The following RRN3 variants were observed in gnomAD, a reference collection of about 807,000 sequenced individuals.
RRN3 encodes RNA polymerase I-specific transcription initiation factor RRN3.
RRN3 carries 38 observed loss-of-function variants against 82.3 expected under a neutral mutation model. That is an observed-to-expected ratio of 0.46 (90% CI 0.36 to 0.61). The LOEUF (loss-of-function observed/expected upper bound fraction) is 0.61, where lower values mean the gene tolerates loss of function less well. RRN3 is among the 20% of genes least tolerant of loss of function. The probability of loss-of-function intolerance (pLI) is 0.00; values close to 1 mark genes in which losing one functional copy is unlikely to be tolerated. For synonymous variants in RRN3, 284 were observed against 284.3 expected (o/e 1.00, Z 0.01); for missense variants, 726 against 793.1 (o/e 0.92, Z 1.02).
At position 15,080,061 on chromosome 16, in the gene RRN3, T is replaced by A; in HGVS notation, c.702A>T (p.Val234=). 6.2e-7 allele frequency: 1 copy of A among 1,603,472 alleles called. No individual in the cohort carries two copies. Reference sequence around the variant, plus strand: ...TTTCATGCCTCAAGGTTGGAAAATATACACTAATCCTTAGTAAGTTATGAA... The same window carrying A: ...TTTCATGCCTCAAGGTTGGAAAATAAACACTAATCCTTAGTAAGTTATGAA... ...CYVHNLLRIS[V]YFPTLRHEIL... is the part of the protein sequence containing the mutation. The change falls in exon 9 of 18, where the codon GTA becomes GTT. Residue 234 remains valine (V), a synonymous_variant. Transcript: ENST00000198767.
At chr16:15,077,967 C>A (rs1156989643) in intron 9 of RRN3, among the ~76,000 whole-genome samples, 1 of 152,192 alleles carries the variant, frequency 6.6e-6, no homozygotes, top group African/African-American at 2.4e-5. Flanking sequence ...ATAAACATAT[C>A]GTCAATCAAC....
chr16:15,089,297 C>T (rs1449579953), intron 3 of RRN3, among the ~76,000 whole-genome samples: 3 of 151,884 alleles, frequency 2.0e-5, no homozygotes, highest in Non-Finnish European at 4.4e-5. Flanking sequence ...TTCTGCCCGT[C>T]CCCAAAAACG....
intron 3 of RRN3, among the ~76,000 whole-genome samples, chr16:15,087,503 C>A (rs561350424): frequency 1.8e-3 from 267 of 152,280 alleles, no homozygotes; most frequent in Non-Finnish European, 3.4e-3. Flanking sequence ...GAAGCTGTCC[C>A]CTTTTCCCCA....
At chr16:15,079,941 G>A (rs544021796) in intron 9 of RRN3, 57 bp downstream of exon 9, 6 of 1,492,140 alleles carry the variant, frequency 4.0e-6, no homozygotes, top group African/African-American at 2.8e-5. Flanking sequence ...CACATACTGT[G>A]ATTATAACAA....
At position 15,083,550 on chromosome 16, in the gene RRN3, T is replaced by C. The variant is rs1281263139; in HGVS notation, c.629A>G (p.Glu210Gly). 4.3e-6 allele frequency: 7 copies of C among 1,609,440 alleles called. No individual in the cohort carries two copies. In the Admixed American group the frequency reaches 6.7e-5, roughly 15 times the overall value. Residue 210 changes from glutamate (E) to glycine (G), a missense_variant, in exon 8 of 18, where the codon GAA becomes GGA. Glu to Gly is a moderately conservative substitution (Grantham distance 98, BLOSUM62 -2). This residue lies in a region of RRN3 where 344 missense variants were observed against 394.5 expected (regional missense o/e 0.87). Transcript: ENST00000198767. ...TGATTTTCGAACAAATGGAAATTTT[T>C]CCACCAGTATTGGCATGAGAAACCA... is the stretch of plus-strand genomic sequence containing the variant. ...TPWFLMPILVEKFPFVRKSER... is the reference protein window; with the variant it reads ...TPWFLMPILVGKFPFVRKSER...
intron 16 of RRN3, among the ~76,000 whole-genome samples, chr16:15,063,704 CAAAAAAA>C (rs10664930): frequency 3.4e-5 from 3 of 89,130 alleles, no homozygotes; most frequent in African/African-American, 1.5e-4. Context: ...GACTCTGTCT[CAAAAAAA>C]AAAAAAAAAA....
At chr16:15,074,572 G>A in intron 11 of RRN3, 151 bp downstream of exon 11, 1 of 475,622 alleles carries the variant, frequency 2.1e-6, no homozygotes. Context: ...TGACTGGCAA[G>A]TAACTTGACC....
chr16:15,091,345 C>G lies in RRN3; in HGVS notation c.222G>C (p.Leu74Phe). 6.3e-7 allele frequency: 1 copy of G among 1,589,362 alleles called. No individual in the cohort carries two copies. Among genetic ancestry groups the G allele is most frequent in the Non-Finnish European group, 8.6e-7 (1 of 1,163,880 alleles). Residue 74 changes from leucine to phenylalanine, a missense_variant, in exon 3 of 18, where the codon TTG becomes TTC. Physicochemically the swap from Leu to Phe is conservative, Grantham distance 22 (BLOSUM62 0). Coordinates refer to ENST00000198767, the MANE Select transcript of RRN3 (RefSeq NM_018427.5). ...TGTCTGGATCTAACAGCTGGTTCTT[C>G]AACAACTCAAAGTCATTTGTTTCAC... is the stretch of plus-strand genomic sequence containing the variant. Reference protein sequence around the residue: ...KKGETNDFELLKNQLLDPDIK... With the variant: ...KKGETNDFELFKNQLLDPDIK...
chr16:15,085,999 A>G (rs1227314988), intron 5 of RRN3, 130 bp downstream of exon 5: 11 of 656,606 alleles, frequency 1.7e-5, no homozygotes, highest in African/African-American at 1.1e-4. Flanking sequence ...CGGGGAATAT[A>G]TGTCTACCAG....
intron 17 of RRN3, among the ~76,000 whole-genome samples, chr16:15,062,854 A>T (rs2044769045): frequency 6.6e-6 from 1 of 152,242 alleles, no homozygotes; most frequent in African/African-American, 2.4e-5. Flanking sequence ...AATGAGTAAG[A>T]CACGGTTTTG....
chr16:15,089,963 C>T (rs892520559), intron 3 of RRN3, among the ~76,000 whole-genome samples: 4 of 151,864 alleles, frequency 2.6e-5, no homozygotes, highest in Admixed American at 6.6e-5. Flanking sequence ...AATCCCAGCA[C>T]TTTGGGAGGC....
At chr16:15,071,506 G>A (rs753790644) in intron 12 of RRN3, among the ~76,000 whole-genome samples, 6 of 152,194 alleles carry the variant, frequency 3.9e-5, no homozygotes, top group Non-Finnish European at 8.8e-5. Flanking sequence ...AGTGGCTCAC[G>A]CCTGTAATCC....
At position 15,085,653 on chromosome 16, in the gene RRN3, T is replaced by A; in HGVS notation, c.518A>T (p.Asp173Val). The A allele has an allele frequency of 6.2e-7, 1 of 1,613,458 alleles. No individual in the cohort carries two copies. Among genetic ancestry groups the A allele is most frequent in the East Asian group, 2.2e-5 (1 of 44,870 alleles). ...KEGDVDVSDSDDEDDNLPANF... is the reference protein window; with the variant it reads ...KEGDVDVSDSVDEDDNLPANF... ...TTTATACTTACTATCATCTTCATCA[T>A]CAGAATCTGAAACATCTACATCGCC... The change falls in exon 6 of 18, where the codon GAT becomes GTT. Residue 173 changes from aspartate (D) to valine (V), a missense_variant. Physicochemically the swap from Asp to Val is radical, Grantham distance 152. Transcript: ENST00000198767.
Position 15,068,172 on chromosome 16 carries a change from G to C in RRN3, c.1550C>G (p.Thr517Arg). Residue 517 changes from threonine to arginine, a missense_variant, in exon 15 of 18, where the codon ACA (threonine) becomes AGA (arginine). Transcript: ENST00000198767. Reference protein sequence around the residue: ...PSVVNFFAAITNKYQLVFCYT... With the variant: ...PSVVNFFAAIRNKYQLVFCYT... Reference sequence around the variant, plus strand: ...CAAGAAAGCGTAAATAACTTACTTTGTGATTGCAGCAAAAAAGTTAACCAC... The same window carrying C: ...CAAGAAAGCGTAAATAACTTACTTTCTGATTGCAGCAAAAAAGTTAACCAC... 5.1e-6 allele frequency: 8 copies of C among 1,569,994 alleles called. No individual in the cohort carries two copies. The highest frequency in any genetic ancestry group is 6.1e-6 in the Non-Finnish European group (7 of 1,154,924).
rs774801929 is a variant in RRN3 at position 15,076,585 on chromosome 16, T to C, written c.831A>G (p.Thr277=). 8 of 1,612,502 alleles carry C rather than the reference T, an allele frequency of 5.0e-6. No individual in the cohort carries two copies. Among genetic ancestry groups the C allele is most frequent in the Non-Finnish European group, 5.9e-6 (7 of 1,178,488 alleles). ...TATTAAACAATCCTTCCGTGGAATC[T>C]GTCCCACCACAAGTTTGAGTTGCTG... ...EETATQTCGG[T]DSTEGLFNMD... is the part of the protein sequence containing the mutation. Residue 277 remains threonine, a synonymous_variant, in exon 10 of 18, where the codon ACA becomes ACG. Coordinates refer to ENST00000198767, the MANE Select transcript of RRN3 (RefSeq NM_018427.5).
intron 3 of RRN3, among the ~76,000 whole-genome samples, chr16:15,090,514 A>G (rs1258507413): frequency 4.6e-5 from 7 of 152,230 alleles, no homozygotes; most frequent in African/African-American, 1.4e-4. Flanking sequence ...AGAAAGGATC[A>G]TTTGAGGCCA....
At position 15,074,840 on chromosome 16, in the gene RRN3, G is replaced by A. The variant is rs766192896; in HGVS notation, c.880C>T (p.His294Tyr). ...CGTTCAGGACCAGCCTTTGTTTCAT[G>A]TTCAGTTTCTTCATCTTCATCCTTT... is the stretch of plus-strand genomic sequence containing the variant. Reference protein sequence around the residue: ...FNMDEDEETEHETKAGPERLD... With the variant: ...FNMDEDEETEYETKAGPERLD... The change falls in exon 11 of 18, where the codon CAT becomes TAT. Residue 294 changes from histidine to tyrosine, a missense_variant. Coordinates refer to ENST00000198767, the MANE Select transcript of RRN3 (RefSeq NM_018427.5). The A allele has an allele frequency of 6.8e-6, 11 of 1,611,236 alleles. No homozygotes were observed. In the East Asian group the frequency reaches 2.2e-4, roughly 33 times the overall value.
intron 3 of RRN3, among the ~76,000 whole-genome samples, chr16:15,088,410 T>C (rs1340332002): frequency 1.3e-5 from 2 of 151,932 alleles, no homozygotes; most frequent in African/African-American, 4.8e-5. Flanking sequence ...GAGGCTGCAG[T>C]GAGCCATGAT....
At chr16:15,085,751 T>C (rs926685557) in intron 5 of RRN3, 53 bp from the exon 6 acceptor site, 5 of 1,605,298 alleles carry the variant, frequency 3.1e-6, no homozygotes, top group Non-Finnish European at 4.3e-6. Flanking sequence ...AGACAATGAA[T>C]GGCTATACAA....
Sources: gnomAD v4.1 joint callset for allele counts (sites outside exome capture counted in the v4.1 genomes callset) on GRCh38, gnomAD v4.1.1 for gene constraint, gnomAD v4.1.1 regional missense constraint, MANE v1.5 for transcripts, NCBI Gene and HGNC (gene_info 2026-07-23, HGNC 2026-07-21) for gene names.